Variants in TNRC6B observed in about 807,000 individuals in gnomAD.
TNRC6B encodes the protein trinucleotide repeat-containing gene 6B protein.
A neutral mutation model predicts 203.6 loss-of-function variants in TNRC6B; 52 were observed. The ratio of observed to expected loss-of-function variants is 0.26; its 90% confidence interval spans 0.20 to 0.32. The LOEUF is 0.32. Ranked by LOEUF, TNRC6B falls within the 10% of genes least tolerant of loss-of-function variation. The probability of loss-of-function intolerance (pLI) is 1.00; values close to 1 mark genes in which losing one functional copy is unlikely to be tolerated. For synonymous variants in TNRC6B, 838 were observed against 845.7 expected, an observed-to-expected ratio of 0.99 and a Z score of 0.16; for missense variants, 1,923 against 2,286.2, an observed-to-expected ratio of 0.84 and a Z score of 3.24.
intron 15 of TNRC6B, among the ~76,000 whole-genome samples, chr22:40,304,247 A>G (rs1317157758): frequency 6.6e-6 from 1 of 152,238 alleles, no homozygotes; most frequent in African/African-American, 2.4e-5. Flanking sequence ...TGAATGACTA[A>G]TGACTGCTTA....
rs1569052668 is a variant in TNRC6B, at chr22:40,281,159, A to G, written c.3452A>G (p.Asp1151Gly). Residue 1151 changes from aspartate (D) to glycine (G), a missense_variant, in exon 11 of 23, where the codon GAT becomes GGT. Around this residue, in one of 8 missense-constraint regions of TNRC6B, gnomAD observed 599 missense variants for 656.5 expected, o/e 0.91. Transcript: ENST00000454349. ...TCCAATCAAGATGGGTGCCTTGGGGATGAGGCTCCCTGCTCTCCCTTCTCC... is the reference window on the plus strand; with the variant it reads ...TCCAATCAAGATGGGTGCCTTGGGGGTGAGGCTCCCTGCTCTCCCTTCTCC... ...PFSNQDGCLG[D>G]EAPCSPFSPS... is the part of the protein sequence containing the mutation. The G allele has an allele frequency of 6.4e-7, 1 of 1,550,908 alleles. No individual in the cohort carries two copies. The highest frequency in any genetic ancestry group is 8.7e-7 in the Non-Finnish European group (1 of 1,146,646).
chr22:40,298,156 A>T (rs868819710), intron 12 of TNRC6B, among the ~76,000 whole-genome samples: 101 of 151,856 alleles, frequency 6.7e-4, no homozygotes, highest in African/African-American at 2.3e-3. Context: ...AAATAAATTT[A>T]AAAAATCATT....
At chr22:40,094,231 G>T (rs1392411171) in intron 1 of TNRC6B, among the ~76,000 whole-genome samples, 2 of 152,062 alleles carry the variant, frequency 1.3e-5, no homozygotes, top group East Asian at 3.8e-4. Context: ...GTTAGGGATT[G>T]CTGTTACCAT....
chr22:40,292,282 G>A (rs1373430003), intron 12 of TNRC6B, among the ~76,000 whole-genome samples: 1 of 151,994 alleles, frequency 6.6e-6, no homozygotes, highest in African/African-American at 2.4e-5. Flanking sequence ...GAACCCAGGA[G>A]GTGGAGGTTG....
Position 40,322,896 on chromosome 22 carries a change from T to C in TNRC6B, c.5157T>C (p.Thr1719=). Residue 1719 remains threonine (T), a synonymous_variant, in exon 23 of 23, where the codon ACT becomes ACC. Transcript: ENST00000454349. ...CTACCATCCTTGCTGAGTTTGCCAC[T>C]GATGATGAAGTCAGCCGCTTTCTGG... ...GNTTILAEFA[T]DDEVSRFLAQ... 1.2e-6 allele frequency: 2 copies of C among 1,614,002 alleles called. No individual in the cohort carries two copies. Among genetic ancestry groups the C allele is most frequent in the East Asian group, 2.2e-5 (1 of 44,884 alleles).
At chr22:40,317,094 A>G (rs989317912) in intron 21 of TNRC6B, among the ~76,000 whole-genome samples, 37 of 152,214 alleles carry the variant, frequency 2.4e-4, no homozygotes, top group African/African-American at 8.9e-4. Context: ...CTGAACCTAT[A>G]CTTCCTATCC....
At chr22:40,167,285 T>G (rs1465472316) in intron 4 of TNRC6B, among the ~76,000 whole-genome samples, 1 of 152,154 alleles carries the variant, frequency 6.6e-6, no homozygotes, top group Admixed American at 6.5e-5. Flanking sequence ...CATAAGTCCA[T>G]TGACACAAGG....
At chr22:40,128,599 C>T (rs983556623) in intron 3 of TNRC6B, among the ~76,000 whole-genome samples, 6 of 151,790 alleles carry the variant, frequency 4.0e-5, no homozygotes, top group African/African-American at 1.5e-4. Flanking sequence ...TCACAGCTCA[C>T]TGCAGCCTCA....
At chr22:40,136,016 G>C (rs1337387244) in intron 3 of TNRC6B, among the ~76,000 whole-genome samples, 1 of 152,196 alleles carries the variant, frequency 6.6e-6, no homozygotes, top group Non-Finnish European at 1.5e-5. Context: ...AGTTAGGAGA[G>C]CAAGAACCGT....
At chr22:40,268,650 G>A (rs1254847854) in intron 5 of TNRC6B, among the ~76,000 whole-genome samples, 2 of 151,808 alleles carry the variant, frequency 1.3e-5, no homozygotes, top group African/African-American at 2.4e-5. Flanking sequence ...GGTGGCTCAC[G>A]CCTGTAATCC....
At chr22:40,125,312 G>A (rs1314503748) in intron 2 of TNRC6B, among the ~76,000 whole-genome samples, 4 of 152,130 alleles carry the variant, frequency 2.6e-5, no homozygotes, top group African/African-American at 7.2e-5. Flanking sequence ...AAGCAGGAAC[G>A]TTATTCATAA....
intron 3 of TNRC6B, among the ~76,000 whole-genome samples, chr22:40,259,433 A>G (rs1355266537): frequency 6.6e-6 from 1 of 152,246 alleles, no homozygotes; most frequent in Non-Finnish European, 1.5e-5. Context: ...AATGTCGGCC[A>G]GGATGGTCTC....
chr22:40,049,681 G>GCAA (rs35361451), intron 1 of TNRC6B, among the ~76,000 whole-genome samples: 9,298 of 152,170 alleles, frequency 0.061, 386 homozygotes, highest in Middle Eastern at 0.099. Flanking sequence ...TTGGCTCGCT[G>GCAA]CAACTTCTGC....
chr22:40,074,235 C>CAAAAAAA (rs944802253), intron 1 of TNRC6B, among the ~76,000 whole-genome samples: 2 of 68,328 alleles, frequency 2.9e-5, no homozygotes, highest in African/African-American at 8.6e-5. Context: ...CGCTCTGTCT[C>CAAAAAAA]AAAAAAAAAA....
intron 7 of TNRC6B, among the ~76,000 whole-genome samples, chr22:40,274,422 C>CTTTTTTTTTTTTTTTTTTTTTT (rs374621260): frequency 2.5e-4 from 35 of 140,690 alleles, no homozygotes; most frequent in African/African-American, 9.1e-4. Context: ...AATGATATCT[C>CTTTTTTTTTTTTTTTTTTTTTT]TTTTTTTTTT....
intron 1 of TNRC6B, among the ~76,000 whole-genome samples, chr22:40,243,997 A>G (rs1277526435): frequency 6.6e-6 from 1 of 152,172 alleles, no homozygotes; most frequent in Non-Finnish European, 1.5e-5. Context: ...TTAAACAGGA[A>G]ATACTCAGGC....
intron 1 of TNRC6B, among the ~76,000 whole-genome samples, chr22:40,236,456 T>A (rs1362324939): frequency 6.6e-6 from 1 of 152,226 alleles, no homozygotes; most frequent in Non-Finnish European, 1.5e-5. Flanking sequence ...TTCTTTTTAA[T>A]CTTTTACAGT....
chr22:40,064,157 T>C lies in TNRC6B; in HGVS notation c.-121+19159T>C, dbSNP rs559907261. Among the ~76,000 whole-genome samples the C allele has an allele frequency of 3.9e-5, 6 of 152,346 alleles. 1 individual carries two copies. The highest frequency in any genetic ancestry group is 1.5e-5 in the Non-Finnish European group (1 of 68,032). On this transcript the variant is annotated intron_variant, in intron 1 of 23. Coordinates refer to the TNRC6B transcript ENST00000301923. Reference sequence around the variant, plus strand: ...TTGTGATAGTTTTTCATTGGATTCCTTAGGATTTTCTTTATACAGGATCAT... The same window carrying C: ...TTGTGATAGTTTTTCATTGGATTCCCTAGGATTTTCTTTATACAGGATCAT...
At chr22:40,292,795 G>A (rs2070886193) in intron 12 of TNRC6B, among the ~76,000 whole-genome samples, 1 of 152,190 alleles carries the variant, frequency 6.6e-6, no homozygotes, top group Non-Finnish European at 1.5e-5. Flanking sequence ...GCACGGCTGG[G>A]ATAGGAATTT....
Sources: allele counts gnomAD v4.1 joint callset (sites outside exome capture counted in the v4.1 genomes callset), GRCh38; gene constraint gnomAD v4.1.1; regional missense constraint gnomAD v4.1.1; transcripts MANE v1.5; gene names NCBI Gene and HGNC (gene_info 2026-07-23, HGNC 2026-07-21).